The following BCAT1 variants were observed in gnomAD, a reference collection of about 807,000 sequenced individuals.
BCAT1 encodes branched-chain-amino-acid aminotransferase, cytosolic.
Under a neutral mutation model 52.4 loss-of-function variants are expected in BCAT1, and 48 were observed. The ratio of observed to expected loss-of-function variants is 0.92; its 90% CI spans 0.73 to 1.16. BCAT1 has a LOEUF of 1.16. Ranked by LOEUF, BCAT1 falls within the 50% of genes most tolerant of loss-of-function variation. The probability of loss-of-function intolerance (pLI) is 0.00; values close to 1 mark genes in which losing one functional copy is unlikely to be tolerated. For missense variants in BCAT1, 451 were observed against 457.1 expected (o/e 0.99, Z 0.12); for synonymous variants, 167 against 161.3 (o/e 1.04, Z -0.27).
chr12:24,863,020 G>A (rs1171332804), intron 5 of BCAT1, among the ~76,000 whole-genome samples: 1 of 152,134 alleles, frequency 6.6e-6, no homozygotes. Flanking sequence ...AGGGCTAAGG[G>A]ATAAATCCAG....
rs756973578 is a variant in BCAT1 at position 24,836,476 on chromosome 12, G to C, written c.903+35C>G. On this transcript the variant is annotated intron_variant, in intron 8 of 10. Transcript: ENST00000261192. ...CTTATTTTGATTATTTTTTATTTCA[G>C]GCTTACAAAAGTTGTTCATATCAAA... 8.5e-6 allele frequency: 13 copies of C among 1,536,996 alleles called. No homozygotes were observed. The Admixed American group carries it at 2.3e-4, about 27-fold the overall frequency.
chr12:24,851,374 C>G (rs1309999033), intron 5 of BCAT1, among the ~76,000 whole-genome samples: 1 of 152,182 alleles, frequency 6.6e-6, no homozygotes, highest in African/African-American at 2.4e-5. Flanking sequence ...TAAACTTCCC[C>G]TTACTACCCA....
chr12:24,943,493 GAAAAAAAAAAA>G (rs4031153), intron 1 of BCAT1, among the ~76,000 whole-genome samples: 8 of 58,528 alleles, frequency 1.4e-4, no homozygotes, highest in East Asian at 6.1e-4. Flanking sequence ...ACCCTATCTG[GAAAAAAAAAAA>G]AAAAAAAAAA....
intron 1 of BCAT1, among the ~76,000 whole-genome samples, chr12:24,926,151 C>T (rs1246700853): frequency 6.6e-6 from 1 of 152,052 alleles, no homozygotes; most frequent in Non-Finnish European, 1.5e-5. Flanking sequence ...TGAGGAGCGT[C>T]TCTGCCCGGC....
At position 24,880,519 on chromosome 12, in the gene BCAT1, C is replaced by T. The variant is rs201159241; in HGVS notation, c.390+782G>A. 9.2e-5 allele frequency among the ~76,000 whole-genome samples: 14 copies of T among 152,190 alleles called. No homozygotes were observed. In the East Asian group the frequency reaches 1.7e-3, roughly 19 times the overall value. Reference sequence around the variant, plus strand: ...TCCATAAGAAACATTGTGACAGCCACGATTCAATGGCCATGAGAAACCATT... The same window carrying T: ...TCCATAAGAAACATTGTGACAGCCATGATTCAATGGCCATGAGAAACCATT... On this transcript the variant is annotated intron_variant, in intron 4 of 10. Coordinates refer to ENST00000261192, the MANE Select transcript of BCAT1 (RefSeq NM_005504.7).
At chr12:24,880,077 C>A (rs979910777) in intron 4 of BCAT1, among the ~76,000 whole-genome samples, 1 of 152,090 alleles carries the variant, frequency 6.6e-6, no homozygotes, top group Admixed American at 6.6e-5. Context: ...GGGTGAAATG[C>A]GGGTTACAAA....
intron 1 of BCAT1, among the ~76,000 whole-genome samples, chr12:24,925,038 GT>G (rs1465719950): frequency 6.6e-6 from 1 of 152,178 alleles, no homozygotes; most frequent in Non-Finnish European, 1.5e-5. Flanking sequence ...AATTTCATGT[GT>G]CTGCTTGGCT....
chr12:24,937,944 G>T (rs895378242), intron 1 of BCAT1, among the ~76,000 whole-genome samples: 3 of 152,162 alleles, frequency 2.0e-5, no homozygotes, highest in African/African-American at 7.2e-5. Flanking sequence ...TGGCCATAGG[G>T]GTAGCTGGCA....
chr12:24,863,824 A>C (rs1009524491), intron 5 of BCAT1, among the ~76,000 whole-genome samples: 1 of 152,136 alleles, frequency 6.6e-6, no homozygotes, highest in Non-Finnish European at 1.5e-5. Flanking sequence ...CTAGACACTC[A>C]GGAGGCTGAG....
chr12:24,939,864 C>A (rs72640140), intron 1 of BCAT1, among the ~76,000 whole-genome samples: 21,149 of 152,008 alleles, frequency 0.14, 2,020 homozygotes, highest in South Asian at 0.38. Context: ...ATAATAAAAT[C>A]AAATGTGCAT....
At chr12:24,902,613 C>T (rs1943138137) in intron 1 of BCAT1, 1 of 442,394 alleles carries the variant, frequency 2.3e-6, no homozygotes, top group African/African-American at 2.1e-5. Context: ...TTCTGGCAGC[C>T]CAGAGATTCA....
chr12:24,837,519 C>A (rs546501109), intron 7 of BCAT1, among the ~76,000 whole-genome samples: 13 of 150,346 alleles, frequency 8.6e-5, no homozygotes, highest in Admixed American at 6.0e-4. Flanking sequence ...CTCTGCCTCC[C>A]AGGGTCAAGT....
At chr12:24,926,423 G>A (rs1161404909) in intron 1 of BCAT1, among the ~76,000 whole-genome samples, 2 of 152,104 alleles carry the variant, frequency 1.3e-5, no homozygotes, top group Admixed American at 6.5e-5. Flanking sequence ...GAAGTGAGGA[G>A]CCCCTCTGCC....
chr12:24,886,755 G>C lies in BCAT1; in HGVS notation c.280-5344C>G, dbSNP rs1282879609. Among the ~76,000 whole-genome samples the C allele has an allele frequency of 3.3e-5, 5 of 150,656 alleles. No homozygotes were observed. In the East Asian group the frequency reaches 7.8e-4, roughly 24 times the overall value. On this transcript the variant is annotated intron_variant, in intron 3 of 10. Coordinates refer to ENST00000261192, the MANE Select transcript of BCAT1 (RefSeq NM_005504.7). ...AACATAATGACTGAGCCAGCACTTTGGGAGACCAAGGACAGAGGATCTATT... is the reference window on the plus strand; with the variant it reads ...AACATAATGACTGAGCCAGCACTTTCGGAGACCAAGGACAGAGGATCTATT...
At chr12:24,928,701 A>G (rs956328859) in intron 1 of BCAT1, among the ~76,000 whole-genome samples, 2 of 131,518 alleles carry the variant, frequency 1.5e-5, no homozygotes, top group Non-Finnish European at 1.6e-5. Flanking sequence ...TCAGTGTGAA[A>G]TGTTTGTTGT....
intron 2 of BCAT1, among the ~76,000 whole-genome samples, chr12:24,895,998 T>C (rs972677092): frequency 5.3e-5 from 8 of 152,092 alleles, no homozygotes; most frequent in African/African-American, 1.7e-4. Flanking sequence ...AAAAATTGAC[T>C]TTGTTCTACC....
rs777094971 is a variant in BCAT1 at position 24,837,091 on chromosome 12, G to GAAA, written c.818-496_818-495insTTT. Among the ~76,000 whole-genome samples, 92 of 99,266 alleles carry GAAA rather than the reference G, an allele frequency of 9.3e-4. 1 individual carries two copies. The Middle Eastern group carries it at 0.024, about 26-fold the overall frequency. 65.1% of individuals were successfully genotyped at this position (99,266 alleles called of 152,430 possible). On this transcript the variant is annotated intron_variant, in intron 7 of 10. Coordinates refer to ENST00000261192, the MANE Select transcript of BCAT1 (RefSeq NM_005504.7). ...AAAGAAAGAGAGAGGGAGGGAGGGA[G>GAAA]GGAGAAAGGAAGGAAGAAAGAGAAG...
In BCAT1 at chr12:24,824,153, G is replaced by A. The variant is rs946931511; in HGVS notation, c.1119+5670C>T. Among the ~76,000 whole-genome samples, 7 of 152,236 alleles carry A rather than the reference G, an allele frequency of 4.6e-5. No individual in the cohort carries two copies. The East Asian group carries it at 1.3e-3, about 29-fold the overall frequency. On this transcript the variant is annotated intron_variant, in intron 10 of 10. Coordinates refer to ENST00000261192, the MANE Select transcript of BCAT1 (RefSeq NM_005504.7). ...CTTAGATCTTTATACCAATTCAATA[G>A]AGTTCAATTTTTCTCAGCCTAGTGA... is the stretch of plus-strand genomic sequence containing the variant.
chr12:24,864,499 C>T (rs1565470654), intron 5 of BCAT1, among the ~76,000 whole-genome samples: 2 of 152,148 alleles, frequency 1.3e-5, no homozygotes, highest in Admixed American at 6.5e-5. Context: ...TTGGATGCTG[C>T]TCTACTTAGT....
Sources: gnomAD v4.1 joint callset for allele counts (sites outside exome capture counted in the v4.1 genomes callset) on GRCh38, gnomAD v4.1.1 for gene constraint, MANE v1.5 for transcripts, NCBI Gene and HGNC (gene_info 2026-07-23, HGNC 2026-07-21) for gene names.